Variants in SCFD1 observed in about 807,000 individuals in gnomAD.
SCFD1 encodes the protein sec1 family domain containing 1.
Under a neutral mutation model 103.2 loss-of-function variants are expected in SCFD1, and 37 were observed. The observed-to-expected ratio is 0.36, with a 90% CI of 0.28 to 0.47. SCFD1 has a LOEUF of 0.47. SCFD1 is among the 20% of genes least tolerant of loss of function. The probability of loss-of-function intolerance (pLI) is 1.00; values close to 1 mark genes in which losing one functional copy is unlikely to be tolerated. For synonymous variants in SCFD1, 264 were observed against 245.0 expected, an observed-to-expected ratio of 1.08 and a Z score of -0.73; for missense variants, 639 against 761.2, an observed-to-expected ratio of 0.84 and a Z score of 1.89.
chr14:30,638,191 C>A lies in SCFD1; in HGVS notation c.379C>A (p.Leu127Met). 1 of 1,612,476 alleles carries A rather than the reference C, an allele frequency of 6.2e-7. No homozygotes were observed. Among genetic ancestry groups the A allele is most frequent in the Non-Finnish European group, 8.5e-7 (1 of 1,179,278 alleles). The change falls in exon 5 of 25, where the codon CTG (leucine) becomes ATG (methionine). Residue 127 changes from leucine (L) to methionine (M), a missense_variant. By Grantham distance (15) the Leu-to-Met change is conservative. Transcript: ENST00000458591. Reference sequence around the variant, plus strand: ...TATTTCTGCTATTTCAAGAAGTAAACTGGAAGATATTGCAAATGCAGCGTT... The same window carrying A: ...TATTTCTGCTATTTCAAGAAGTAAAATGGAAGATATTGCAAATGCAGCGTT... The part of the protein sequence containing the change: ...NFISAISRSK[L>M]EDIANAALAA...
chr14:30,630,126 G>T (rs896720160), intron 2 of SCFD1, among the ~76,000 whole-genome samples: 1 of 151,964 alleles, frequency 6.6e-6, no homozygotes, highest in Non-Finnish European at 1.5e-5. Context: ...CTAGAAAAAA[G>T]AATTTTATAA....
At chr14:30,732,349 C>A (rs186065279) in intron 23 of SCFD1, among the ~76,000 whole-genome samples, 1 of 152,296 alleles carries the variant, frequency 6.6e-6, no homozygotes, top group East Asian at 1.9e-4. Context: ...AGCAGACATC[C>A]TTGTCTTCTT....
At chr14:30,672,325 GC>G (rs1298816759) in intron 11 of SCFD1, among the ~76,000 whole-genome samples, 1 of 152,152 alleles carries the variant, frequency 6.6e-6, no homozygotes, top group African/African-American at 2.4e-5. Flanking sequence ...TGGAGTAAAT[GC>G]CTGTGCTTGT....
chr14:30,725,431 A>G (rs1306843647), intron 23 of SCFD1, among the ~76,000 whole-genome samples: 5 of 152,032 alleles, frequency 3.3e-5, no homozygotes. Context: ...TGGGTATTTT[A>G]TTCTTTTTGT....
chr14:30,655,970 T>C (rs1202227172), intron 10 of SCFD1, among the ~76,000 whole-genome samples: 3 of 151,788 alleles, frequency 2.0e-5, no homozygotes. Context: ...TTACAAAAAA[T>C]AAAAATTAGT....
At chr14:30,649,308 A>G (rs538896827) in intron 7 of SCFD1, among the ~76,000 whole-genome samples, 5 of 152,290 alleles carry the variant, frequency 3.3e-5, no homozygotes, top group South Asian at 4.1e-4. Flanking sequence ...CATCACCACT[A>G]TGCAATATAT....
At chr14:30,639,222 A>G (rs940824236) in intron 5 of SCFD1, among the ~76,000 whole-genome samples, 1 of 152,058 alleles carries the variant, frequency 6.6e-6, no homozygotes, top group Non-Finnish European at 1.5e-5. Flanking sequence ...TCTGGCCTCA[A>G]ACAGTCCTCC....
chr14:30,665,301 A>C (rs1021474302), intron 10 of SCFD1, among the ~76,000 whole-genome samples: 2 of 152,218 alleles, frequency 1.3e-5, no homozygotes, highest in Non-Finnish European at 2.9e-5. Flanking sequence ...TAAGCTTCAG[A>C]AGTGAAGGAG....
At chr14:30,659,297 A>G (rs1196146348) in intron 10 of SCFD1, among the ~76,000 whole-genome samples, 1 of 151,892 alleles carries the variant, frequency 6.6e-6, no homozygotes, top group African/African-American at 2.4e-5. Flanking sequence ...GCATTTCAAC[A>G]TAATATAGGA....
chr14:30,644,437 A>G (rs1394376085), intron 7 of SCFD1, among the ~76,000 whole-genome samples: 5 of 152,226 alleles, frequency 3.3e-5, no homozygotes, highest in African/African-American at 1.2e-4. Flanking sequence ...TGCTTTCCAC[A>G]GTGGCTGAAC....
At chr14:30,672,702 G>C (rs1261734786) in intron 11 of SCFD1, among the ~76,000 whole-genome samples, 1 of 152,166 alleles carries the variant, frequency 6.6e-6, no homozygotes, top group African/African-American at 2.4e-5. Context: ...CAATGTCCTG[G>C]TAGAAGACAT....
rs1031015026 is a variant in SCFD1 at position 30,722,451 on chromosome 14, C to G, written c.1771-43C>G. 5 of 1,439,106 alleles carry G rather than the reference C, an allele frequency of 3.5e-6. No individual in the cohort carries two copies. In the African/African-American group the frequency reaches 5.8e-5, roughly 17 times the overall value. 89.1% of individuals were successfully genotyped at this position (1,439,106 alleles called of 1,614,324 possible). A position where few individuals can be genotyped will look rare whatever the true frequency, so the allele number is the denominator to read the frequency against. On this transcript the variant is annotated intron_variant, in intron 22 of 24. Transcript: ENST00000458591. Reference sequence around the variant, plus strand: ...CCTTAATTTTAGAAGAGGTTTCAGACTAAAAACTGTGTTTTTTTTTTTTTA... The same window carrying G: ...CCTTAATTTTAGAAGAGGTTTCAGAGTAAAAACTGTGTTTTTTTTTTTTTA...
chr14:30,622,557 A>G, intron 1 of SCFD1, 158 bp downstream of exon 1: 3 of 1,314,886 alleles, frequency 2.3e-6, no homozygotes, highest in Non-Finnish European at 3.0e-6. Flanking sequence ...AGAAGTTGCC[A>G]TTAGCTTGAG....
rs549052612 is a variant in SCFD1 at position 30,657,208 on chromosome 14, G to A, written c.855+3620G>A. 1.1e-4 allele frequency among the ~76,000 whole-genome samples: 16 copies of A among 152,090 alleles called. No individual in the cohort carries two copies. In the South Asian group the frequency reaches 2.5e-3, roughly 24 times the overall value. On this transcript the variant is annotated intron_variant, in intron 10 of 24. Transcript: ENST00000458591. ...GGGCTCCCTCTTCATTCCCCTGGAT[G>A]GAGGAAATTAAAGTACAGGGTGCTT...
intron 6 of SCFD1, 67 bp downstream of exon 6, chr14:30,639,931 G>A: frequency 4.1e-6 from 6 of 1,477,752 alleles, no homozygotes; most frequent in Non-Finnish European, 5.4e-6. Context: ...AAGAAAAAAA[G>A]TGAATATGTT....
intron 18 of SCFD1, chr14:30,707,749 T>G: frequency 2.0e-6 from 1 of 506,974 alleles, no homozygotes. Context: ...TTTATTTTTG[T>G]ATTTTTTAAT....
At chr14:30,702,775 T>TA (rs1795855489) in intron 17 of SCFD1, among the ~76,000 whole-genome samples, 2 of 152,218 alleles carry the variant, frequency 1.3e-5, no homozygotes, top group African/African-American at 4.8e-5. Flanking sequence ...TATACTCTGC[T>TA]ATTAGGAATA....
At chr14:30,684,027 G>C (rs1174534937) in intron 14 of SCFD1, among the ~76,000 whole-genome samples, 2 of 152,204 alleles carry the variant, frequency 1.3e-5, no homozygotes, top group Non-Finnish European at 2.9e-5. Context: ...TCTATAGCTA[G>C]AATGGGGAGA....
chr14:30,635,175 G>A lies in SCFD1; in HGVS notation c.312+1138G>A, dbSNP rs146496978. The stretch of plus-strand genomic sequence containing the variant: ...TGCCCAGCTTTCTCTTTTACCCTGC[G>A]TAAACTCAAGTATGCTATTCATGAA... On this transcript the variant is annotated intron_variant, in intron 4 of 24. Coordinates refer to ENST00000458591, the MANE Select transcript of SCFD1 (RefSeq NM_016106.4). 675 of 345,472 alleles carry A rather than the reference G, an allele frequency of 2.0e-3. 4 individuals carry two copies. The highest frequency in any genetic ancestry group is 8.4e-3 in the Middle Eastern group (8 of 956). The allele number at this position is 345,472 out of a possible 1,614,324, so 21.4% of individuals were successfully genotyped here. A position where few individuals can be genotyped will look rare whatever the true frequency, so the allele number is the denominator to read the frequency against.
Sources: allele counts gnomAD v4.1 joint callset (sites outside exome capture counted in the v4.1 genomes callset), GRCh38; gene constraint gnomAD v4.1.1; transcripts MANE v1.5; gene names NCBI Gene and HGNC (gene_info 2026-07-23, HGNC 2026-07-21).